The following KCNMB2 variants were observed in gnomAD, a reference collection of about 807,000 sequenced individuals.
KCNMB2 encodes the protein calcium-activated potassium channel subunit beta-2.
Under a neutral mutation model 24.5 loss-of-function variants are expected in KCNMB2, and 9 were observed. The ratio of observed to expected loss-of-function variants is 0.37; its 90% confidence interval spans 0.22 to 0.64. The LOEUF (loss-of-function observed/expected upper bound fraction) is 0.64, where lower values mean the gene tolerates loss of function less well. Ranked by LOEUF, KCNMB2 falls within the 30% of genes least tolerant of loss-of-function variation. The probability of loss-of-function intolerance (pLI) is 0.63; values close to 1 mark genes in which losing one functional copy is unlikely to be tolerated. For missense variants in KCNMB2, 226 were observed against 284.3 expected (o/e 0.79, Z 1.47); for synonymous variants, 109 against 104.4 (o/e 1.04, Z -0.27).
intron 4 of KCNMB2, 87 bp from the exon 5 acceptor site, chr3:178,842,566 A>T (rs1715462721): frequency 1.2e-6 from 1 of 848,564 alleles, no homozygotes; most frequent in Admixed American, 2.3e-5. Context: ...TTCACAGATC[A>T]CTAATTTGGA....
intron 1 of KCNMB2, among the ~76,000 whole-genome samples, chr3:178,576,435 C>A (rs772730893): frequency 2.6e-5 from 4 of 152,118 alleles, no homozygotes; most frequent in Admixed American, 6.6e-5. Context: ...AGACACCGAG[C>A]AAGCTGCAGG....
intron 1 of KCNMB2, among the ~76,000 whole-genome samples, chr3:178,613,118 C>T (rs1472819412): frequency 1.3e-5 from 2 of 152,156 alleles, no homozygotes; most frequent in African/African-American, 2.4e-5. Context: ...AGTTGTTAGG[C>T]TGAGAGCAGT....
intron 1 of KCNMB2, among the ~76,000 whole-genome samples, chr3:178,537,059 T>C (rs1222825231): frequency 1.3e-5 from 2 of 152,122 alleles, no homozygotes; most frequent in Non-Finnish European, 2.9e-5. Flanking sequence ...GTGAAGACTT[T>C]GGTGGGTGGA....
At chr3:178,542,385 A>G (rs541964218) in intron 1 of KCNMB2, among the ~76,000 whole-genome samples, 1 of 152,182 alleles carries the variant, frequency 6.6e-6, no homozygotes, top group African/African-American at 2.4e-5. Context: ...ATCAGAGGAG[A>G]AGCTCAAAAA....
intron 1 of KCNMB2, among the ~76,000 whole-genome samples, chr3:178,681,600 T>A (rs1267425276): frequency 6.6e-6 from 1 of 152,178 alleles, no homozygotes; most frequent in African/African-American, 2.4e-5. Flanking sequence ...ATAAGAAAAC[T>A]GAACATTAGA....
At chr3:178,810,906 T>G (rs1241024896) in intron 2 of KCNMB2, among the ~76,000 whole-genome samples, 1 of 144,262 alleles carries the variant, frequency 6.9e-6, no homozygotes, top group Non-Finnish European at 1.5e-5. Context: ...GGCTAACTTT[T>G]TTTTTTTTTT....
chr3:178,620,097 G>T (rs149451906), intron 1 of KCNMB2, among the ~76,000 whole-genome samples: 1 of 152,072 alleles, frequency 6.6e-6, no homozygotes, highest in Admixed American at 6.5e-5. Flanking sequence ...AGAAACTGAG[G>T]CTCCCACAGG....
At chr3:178,814,347 A>G (rs969604269) in intron 2 of KCNMB2, among the ~76,000 whole-genome samples, 15 of 152,146 alleles carry the variant, frequency 9.9e-5, no homozygotes, top group Non-Finnish European at 1.8e-4. Flanking sequence ...GCAATATTTG[A>G]TGGTGTATAT....
intron 1 of KCNMB2, among the ~76,000 whole-genome samples, chr3:178,555,183 A>G (rs934685961): frequency 1.3e-5 from 2 of 152,212 alleles, no homozygotes; most frequent in African/African-American, 2.4e-5. Context: ...AAGAACAATG[A>G]GAGTCAAAAG....
rs75103697 is a variant in KCNMB2, at chr3:178,754,378, T to C, written c.-67-52965T>C. On this transcript the variant is annotated intron_variant, in intron 1 of 4. Coordinates refer to ENST00000452583, the MANE Select transcript of KCNMB2 (RefSeq NM_181361.3). The stretch of plus-strand genomic sequence containing the variant: ...AAACCTTCAAGAACTTGGTTATTTA[T>C]CTTTGTACCTGATCTCACTACTCCA... Among the ~76,000 whole-genome samples the C allele has an allele frequency of 6.6e-5, 10 of 152,162 alleles. No homozygotes were observed. In the East Asian group the frequency reaches 1.9e-3, roughly 29 times the overall value.
At chr3:178,701,949 T>G (rs1722113049) in intron 1 of KCNMB2, among the ~76,000 whole-genome samples, 1 of 152,144 alleles carries the variant, frequency 6.6e-6, no homozygotes, top group Non-Finnish European at 1.5e-5. Context: ...CCCAATGGAA[T>G]ATAAATCATG....
chr3:178,592,457 G>T (rs766650918), intron 1 of KCNMB2, among the ~76,000 whole-genome samples: 1 of 151,860 alleles, frequency 6.6e-6, no homozygotes, highest in Non-Finnish European at 1.5e-5. Context: ...GGAATGATGC[G>T]TATGTGTAAT....
intron 1 of KCNMB2, among the ~76,000 whole-genome samples, chr3:178,756,403 A>G (rs1724042639): frequency 6.6e-6 from 1 of 152,130 alleles, no homozygotes; most frequent in Non-Finnish European, 1.5e-5. Context: ...CTCTGGTCAC[A>G]ATGTTTCTGT....
intron 1 of KCNMB2, among the ~76,000 whole-genome samples, chr3:178,619,970 A>C (rs957606612): frequency 6.6e-6 from 1 of 152,206 alleles, no homozygotes; most frequent in Non-Finnish European, 1.5e-5. Flanking sequence ...AATGATTATT[A>C]CTTACTGAGC....
intron 1 of KCNMB2, among the ~76,000 whole-genome samples, chr3:178,625,178 C>T (rs977176134): frequency 6.6e-6 from 1 of 152,102 alleles, no homozygotes; most frequent in Admixed American, 6.5e-5. Context: ...CAGGGGGCAC[C>T]TCTTGGGGTC....
At chr3:178,634,387 G>A (rs1243340344) in intron 1 of KCNMB2, among the ~76,000 whole-genome samples, 1 of 152,062 alleles carries the variant, frequency 6.6e-6, no homozygotes, top group East Asian at 1.9e-4. Context: ...GCATGACCAG[G>A]GAGGCCTCAG....
intron 1 of KCNMB2, among the ~76,000 whole-genome samples, chr3:178,802,285 T>C (rs1163748605): frequency 1.3e-5 from 2 of 152,184 alleles, no homozygotes; most frequent in Non-Finnish European, 2.9e-5. Context: ...TTCTGCAAGG[T>C]TAGGCATATA....
At chr3:178,607,629 G>T (rs528740410) in intron 1 of KCNMB2, among the ~76,000 whole-genome samples, 1 of 110,740 alleles carries the variant, frequency 9.0e-6, no homozygotes, top group Non-Finnish European at 1.7e-5. Context: ...TTGTGCATGC[G>T]TGTGTGTGTG....
At chr3:178,825,446 G>A in intron 2 of KCNMB2, 142 bp from the exon 3 acceptor site, 1 of 601,564 alleles carries the variant, frequency 1.7e-6, no homozygotes. Context: ...TTGTGTGGGA[G>A]GTAGTGGACA....
Sources: gnomAD v4.1 joint callset for allele counts (sites outside exome capture counted in the v4.1 genomes callset) on GRCh38, gnomAD v4.1.1 for gene constraint, MANE v1.5 for transcripts, NCBI Gene and HGNC (gene_info 2026-07-23, HGNC 2026-07-21) for gene names.